The following BTBD9 variants were observed in gnomAD, a reference collection of about 807,000 sequenced individuals.
BTBD9 encodes the protein BTB/POZ domain-containing protein 9.
BTBD9 carries 49 observed loss-of-function variants against 64.3 expected under a neutral mutation model. That is an observed-to-expected ratio of 0.76 (90% CI 0.61 to 0.97). The LOEUF is 0.97. Ranked by LOEUF, BTBD9 falls within the 50% of genes least tolerant of loss-of-function variation. The pLI is 0.00. For synonymous variants in BTBD9, 260 were observed against 274.7 expected (o/e 0.95, Z 0.53); for missense variants, 598 against 762.1 (o/e 0.78, Z 2.53).
chr6:38,458,483 T>C (rs1769922277), intron 6 of BTBD9, among the ~76,000 whole-genome samples: 1 of 152,096 alleles, frequency 6.6e-6, no homozygotes, highest in Non-Finnish European at 1.5e-5. Context: ...GCTTAGAAAA[T>C]AGCCTAAACA....
At chr6:38,561,348 A>G (rs1187833920) in intron 6 of BTBD9, among the ~76,000 whole-genome samples, 1 of 152,154 alleles carries the variant, frequency 6.6e-6, no homozygotes, top group Non-Finnish European at 1.5e-5. Flanking sequence ...TATACTGTTG[A>G]TGGGAATGTA....
intron 1 of BTBD9, among the ~76,000 whole-genome samples, chr6:38,606,542 A>G (rs1777438515): frequency 6.6e-6 from 1 of 152,196 alleles, no homozygotes; most frequent in South Asian, 2.1e-4. Flanking sequence ...ATAATTAACA[A>G]TGAACCTCCA....
intron 6 of BTBD9, among the ~76,000 whole-genome samples, chr6:38,407,106 G>A (rs1767206057): frequency 6.6e-6 from 1 of 152,220 alleles, no homozygotes; most frequent in Non-Finnish European, 1.5e-5. Flanking sequence ...TGTTGCACCT[G>A]AGTATTTCTC....
At chr6:38,478,832 C>T (rs1214476371) in intron 6 of BTBD9, among the ~76,000 whole-genome samples, 1 of 152,136 alleles carries the variant, frequency 6.6e-6, no homozygotes, top group African/African-American at 2.4e-5. Context: ...ATGACCAAGT[C>T]GCCTTGGTAT....
At position 38,222,706 on chromosome 6, in the gene BTBD9, T is replaced by C. The variant is rs1275078557; in HGVS notation, c.1563-30109A>G. On this transcript the variant is annotated intron_variant, in intron 9 of 10. Coordinates refer to ENST00000481247, the MANE Select transcript of BTBD9 (RefSeq NM_001099272.2). Reference sequence around the variant, plus strand: ...ATACTCACATTTGTATTCTTACACCTAAGGGTAAAAGGTAGCCAGGGCATG... The same window carrying C: ...ATACTCACATTTGTATTCTTACACCCAAGGGTAAAAGGTAGCCAGGGCATG... Among the ~76,000 whole-genome samples the C allele has an allele frequency of 2.0e-5, 3 of 152,112 alleles. 1 individual carries two copies. Among genetic ancestry groups the C allele is most frequent in the Non-Finnish European group, 4.4e-5 (3 of 68,028 alleles).
chr6:38,325,415 G>A (rs951952629), intron 7 of BTBD9, among the ~76,000 whole-genome samples: 2 of 152,216 alleles, frequency 1.3e-5, no homozygotes, highest in Admixed American at 6.5e-5. Flanking sequence ...GCTGGGTGCG[G>A]TGGCTCATGC....
intron 9 of BTBD9, among the ~76,000 whole-genome samples, chr6:38,229,220 A>C (rs1252414464): frequency 6.6e-6 from 1 of 152,170 alleles, no homozygotes; most frequent in East Asian, 1.9e-4. Context: ...GTCTCTAAAA[A>C]TCCTGAAAAC....
chr6:38,526,345 G>C (rs1396315131), intron 6 of BTBD9, among the ~76,000 whole-genome samples: 1 of 152,258 alleles, frequency 6.6e-6, no homozygotes, highest in Admixed American at 6.5e-5. Context: ...CCTGCACCTA[G>C]ATTTCAGAGG....
chr6:38,605,128 C>T (rs752100119), intron 1 of BTBD9, among the ~76,000 whole-genome samples: 3 of 151,188 alleles, frequency 2.0e-5, no homozygotes, highest in Non-Finnish European at 4.4e-5. Context: ...CTCACTGCAA[C>T]CTCCACTTCC....
intron 9 of BTBD9, among the ~76,000 whole-genome samples, chr6:38,211,501 G>A (rs898576475): frequency 2.6e-4 from 40 of 151,490 alleles, no homozygotes; most frequent in African/African-American, 9.5e-4. Context: ...CCAGCACTGT[G>A]AGAGGCCTAG....
At chr6:38,187,212 A>G (rs1761856579) in intron 10 of BTBD9, among the ~76,000 whole-genome samples, 1 of 152,228 alleles carries the variant, frequency 6.6e-6, no homozygotes, top group Admixed American at 6.5e-5. Context: ...GTTGTTGACA[A>G]GGCCCAGTTT....
intron 6 of BTBD9, chr6:38,504,359 T>TTTA: frequency 3.2e-6 from 1 of 312,906 alleles, no homozygotes; most frequent in Non-Finnish European, 6.4e-6. Context: ...GGGCTATTAT[T>TTTA]TTACGGAGAC....
intron 6 of BTBD9, among the ~76,000 whole-genome samples, chr6:38,455,665 T>C (rs1209179316): frequency 1.3e-5 from 2 of 152,224 alleles, no homozygotes; most frequent in Non-Finnish European, 2.9e-5. Context: ...ATTTATGGAT[T>C]GAAGGGGTAT....
chr6:38,239,862 G>C (rs911375610), intron 9 of BTBD9, among the ~76,000 whole-genome samples: 1 of 152,174 alleles, frequency 6.6e-6, no homozygotes, highest in Non-Finnish European at 1.5e-5. Context: ...TTATTATATA[G>C]TATTACATTT....
At chr6:38,351,774 C>T (rs1764524920) in intron 6 of BTBD9, among the ~76,000 whole-genome samples, 1 of 152,020 alleles carries the variant, frequency 6.6e-6, no homozygotes, top group South Asian at 2.1e-4. Flanking sequence ...GCTGGGATTA[C>T]AGGCATGAGC....
At chr6:38,245,148 CAA>C (rs1764140152) in intron 9 of BTBD9, among the ~76,000 whole-genome samples, 1 of 152,170 alleles carries the variant, frequency 6.6e-6, no homozygotes, top group African/African-American at 2.4e-5. Context: ...TACTATGGAT[CAA>C]AGAGTGAGTA....
intron 6 of BTBD9, among the ~76,000 whole-genome samples, chr6:38,435,980 C>G (rs1768718938): frequency 6.6e-6 from 1 of 151,540 alleles, no homozygotes; most frequent in Admixed American, 6.6e-5. Flanking sequence ...AGAGAGTATA[C>G]TGGTATAACC....
At chr6:38,205,438 T>C (rs995481162) in intron 9 of BTBD9, among the ~76,000 whole-genome samples, 2 of 152,160 alleles carry the variant, frequency 1.3e-5, no homozygotes, top group Non-Finnish European at 2.9e-5. Context: ...GAAAAATTAG[T>C]GACCATTCCC....
chr6:38,408,154 C>T (rs1280374545), intron 6 of BTBD9, among the ~76,000 whole-genome samples: 1 of 151,964 alleles, frequency 6.6e-6, no homozygotes, highest in Non-Finnish European at 1.5e-5. Flanking sequence ...GCCAGGAGTT[C>T]GAGACCAGCC....
Sources: gnomAD v4.1 joint callset for allele counts (sites outside exome capture counted in the v4.1 genomes callset) on GRCh38, gnomAD v4.1.1 for gene constraint, MANE v1.5 for transcripts, NCBI Gene and HGNC (gene_info 2026-07-23, HGNC 2026-07-21) for gene names.